Variants in PXDN observed in about 807,000 individuals in gnomAD.
The protein encoded by PXDN is peroxidasin.
Under a neutral mutation model 140.3 loss-of-function variants are expected in PXDN, and 77 were observed. The observed-to-expected ratio is 0.55, with a 90% confidence interval of 0.46 to 0.66. The LOEUF is 0.66. Ranked by LOEUF, PXDN falls within the 30% of genes least tolerant of loss-of-function variation. The probability of loss-of-function intolerance (pLI) is 0.00; values close to 1 mark genes in which losing one functional copy is unlikely to be tolerated. For synonymous variants in PXDN, 911 were observed against 857.4 expected (o/e 1.06, Z -1.09); for missense variants, 1,838 against 2,039.5 (o/e 0.90, Z 1.90).
chr2:1,653,569 G>C, intron 16 of PXDN, 59 bp downstream of exon 16: 1 of 1,583,304 alleles, frequency 6.3e-7, no homozygotes, highest in Non-Finnish European at 8.6e-7. Flanking sequence ...ACTTAACTGA[G>C]GCGTGTTCAA....
intron 8 of PXDN, 36 bp downstream of exon 8, chr2:1,676,891 G>T: frequency 6.4e-7 from 1 of 1,567,094 alleles, no homozygotes; most frequent in Non-Finnish European, 8.7e-7. Flanking sequence ...AACTCCGAGA[G>T]ATGCACAGGG....
intron 1 of PXDN, among the ~76,000 whole-genome samples, chr2:1,719,970 CAG>C (rs1258639274): frequency 3.4e-5 from 1 of 29,570 alleles, no homozygotes; most frequent in Non-Finnish European, 6.3e-5. Context: ...GGGAGATGCA[CAG>C]AGAGAGGGAG....
rs1285433649 is a variant in PXDN, at chr2:1,648,333, C to T, written c.3447G>A (p.Thr1149=). ...TGATGGCCGCCAGGTCCAGAGCCAC[C>T]GTGTGTGCCATGGAGAACAGCCGCT... ...LTERLFSMAH[T]VALDLAAINI... Residue 1149 remains threonine (T), a synonymous_variant, in exon 17 of 23, where the codon ACG becomes ACA. Transcript: ENST00000252804. The surrounding 1 kb of genome is among the most constrained non-coding windows in gnomAD (Gnocchi z 8.9). 29 of 1,613,704 alleles carry T rather than the reference C, an allele frequency of 1.8e-5. No homozygotes were observed. The highest frequency in any genetic ancestry group is 2.2e-5 in the East Asian group (1 of 44,882).
intron 1 of PXDN, among the ~76,000 whole-genome samples, chr2:1,728,184 C>A (rs146094723): frequency 6.6e-6 from 1 of 152,306 alleles, no homozygotes; most frequent in East Asian, 1.9e-4. Context: ...GAGATCCATC[C>A]GCCTCAGCCT....
intron 6 of PXDN, among the ~76,000 whole-genome samples, chr2:1,681,544 G>A (rs1057044455): frequency 6.6e-6 from 1 of 151,708 alleles, no homozygotes; most frequent in African/African-American, 2.4e-5. Flanking sequence ...GGCATCTCTA[G>A]GGGCCGACGC....
upstream of PXDN, chr2:1,744,602 CT>C (rs1685649841): frequency 1.5e-6 from 1 of 669,094 alleles, no homozygotes. Flanking sequence ...CTCCCGGCCC[CT>C]CTGAATCCCC....
chr2:1,703,442 G>GGACAACTCCCGGTGAAGGAGA (rs1684496126), intron 1 of PXDN, among the ~76,000 whole-genome samples: 1 of 51,960 alleles, frequency 1.9e-5, no homozygotes, highest in African/African-American at 8.7e-5. Flanking sequence ...GTGAAGCGGG[G>GGACAACTCCCGGTGAAGGAGA]GACAACTCCC....
intron 1 of PXDN, among the ~76,000 whole-genome samples, chr2:1,709,409 C>T (rs1449378131): frequency 6.6e-6 from 1 of 152,132 alleles, no homozygotes; most frequent in African/African-American, 2.4e-5. Flanking sequence ...CACGGCCCCA[C>T]AGAAGACAGG....
At chr2:1,692,809 G>A (rs1684214347) in intron 2 of PXDN, among the ~76,000 whole-genome samples, 1 of 152,180 alleles carries the variant, frequency 6.6e-6, no homozygotes, top group South Asian at 2.1e-4. Context: ...TGAAGGCCAG[G>A]GACAAGCTTA....
intron 13 of PXDN, among the ~76,000 whole-genome samples, 177 bp downstream of exon 13, chr2:1,661,895 A>T (rs1186794076): frequency 1.3e-5 from 2 of 152,206 alleles, no homozygotes; most frequent in East Asian, 1.9e-4. Flanking sequence ...TGCTACAGAA[A>T]GTCTATAGAG....
intron 17 of PXDN, among the ~76,000 whole-genome samples, chr2:1,645,503 T>C (rs1682830052): frequency 6.6e-6 from 1 of 152,214 alleles, no homozygotes; most frequent in Non-Finnish European, 1.5e-5. Context: ...CTCAAATCAG[T>C]GACCACCAAC....
rs1044971427 is a variant in PXDN, at chr2:1,639,112, G to A, written c.4074-134C>T. On this transcript the variant is annotated intron_variant, in intron 20 of 22. Coordinates refer to ENST00000252804, the MANE Select transcript of PXDN (RefSeq NM_012293.3). The surrounding 1 kb of genome is among the most constrained non-coding windows in gnomAD (Gnocchi z 5.0). The stretch of plus-strand genomic sequence containing the variant: ...TCTCATTTCAAGGTTTCCTGGGTGT[G>A]CACCGCCCCTGATGCTCTGAGTGGG... The A allele has an allele frequency of 1.2e-6, 1 of 860,426 alleles. No individual in the cohort carries two copies. The highest frequency in any genetic ancestry group is 1.4e-6 in the Non-Finnish European group (1 of 709,278). 53.3% of individuals were successfully genotyped at this position (860,426 alleles called of 1,614,324 possible). A position where few individuals can be genotyped will look rare whatever the true frequency, so the allele number is the denominator to read the frequency against.
At position 1,633,151 on chromosome 2, in the gene PXDN, T is replaced by C. The variant is rs1029865463; in HGVS notation, c.*1053A>G. On this transcript the variant is annotated 3_prime_UTR_variant, in exon 23 of 23. Coordinates refer to ENST00000252804, the MANE Select transcript of PXDN (RefSeq NM_012293.3). ...ACATCACGCATTTTAAAAATACAAA[T>C]GAGGTATAGGGATTCTTTTTTTTTT... 21 of 147,230 alleles carry C rather than the reference T, an allele frequency of 1.4e-4. No individual in the cohort carries two copies. Among genetic ancestry groups the C allele is most frequent in the African/African-American group, 5.3e-4 (21 of 39,992 alleles). The allele number at this position is 147,230 out of a possible 1,614,324, so 9.1% of individuals were successfully genotyped here.
rs773022517 is a variant in PXDN at position 1,638,967 on chromosome 2, T to A, written c.4085A>T (p.Gln1362Leu). Residue 1362 changes from glutamine to leucine, a missense_variant, in exon 21 of 23, where the codon CAG becomes CTG. Physicochemically the swap from Gln to Leu is moderately radical, Grantham distance 113 (BLOSUM62 -2). This residue lies in a region of PXDN where 850 missense variants were observed against 894.1 expected (regional missense o/e 0.95). Coordinates refer to ENST00000252804, the MANE Select transcript of PXDN (RefSeq NM_012293.3). ...GGTGCTGTTGCTGAGATGTTCCCCC[T>A]GTCTCCCAACACTGTGGTGAGGGGA... The part of the protein sequence containing the change: ...RPRKIPSVGR[Q>L]GEHLSNSTSA... 6.2e-7 allele frequency: 1 copy of A among 1,613,976 alleles called. No homozygotes were observed. The highest frequency in any genetic ancestry group is 1.3e-5 in the African/African-American group (1 of 75,046).
rs967509011 is a variant in PXDN at position 1,709,174 on chromosome 2, C to A, written c.201-16040G>T. Among the ~76,000 whole-genome samples, 6 of 152,234 alleles carry A rather than the reference C, an allele frequency of 3.9e-5. No homozygotes were observed. The East Asian group carries it at 1.2e-3, about 29-fold the overall frequency. ...TCACTCATTGGTACTAGCGACACAT[C>A]TGCAGTTCATGGGCAATGCTGACCA... On this transcript the variant is annotated intron_variant, in intron 1 of 22. Transcript: ENST00000252804.
chr2:1,687,871 C>T lies in PXDN; in HGVS notation c.345-168G>A, dbSNP rs1684097553. Among the ~76,000 whole-genome samples, 1 of 152,116 alleles carries T rather than the reference C, an allele frequency of 6.6e-6. No homozygotes were observed. Among genetic ancestry groups the T allele is most frequent in the Non-Finnish European group, 1.5e-5 (1 of 68,028 alleles). On this transcript the variant is annotated intron_variant, in intron 3 of 22. Transcript: ENST00000252804. This position sits in a 1 kb window ranked among gnomAD's most constrained non-coding sequence, Gnocchi z 4.0. Reference sequence around the variant, plus strand: ...GTACAGTGCCTCTCCCAAGGGCTTCCCTTCCCTCAGATCTCAAGGGGGCTA... The same window carrying T: ...GTACAGTGCCTCTCCCAAGGGCTTCTCTTCCCTCAGATCTCAAGGGGGCTA...
chr2:1,658,039 T>G lies in PXDN; in HGVS notation c.1837+2842A>C, dbSNP rs192570782. On this transcript the variant is annotated intron_variant, in intron 14 of 22. Coordinates refer to ENST00000252804, the MANE Select transcript of PXDN (RefSeq NM_012293.3). ...ATTTCAGCTGTGGGCTCTCTCTCTCTCTCTCTCTCTCTCTCTCTCTCTCTC... is the reference window on the plus strand; with the variant it reads ...ATTTCAGCTGTGGGCTCTCTCTCTCGCTCTCTCTCTCTCTCTCTCTCTCTC... Among the ~76,000 whole-genome samples the G allele has an allele frequency of 7.7e-3, 356 of 46,496 alleles. 6 individuals carry two copies. The highest frequency in any genetic ancestry group is 0.037 in the African/African-American group (337 of 9,090). The allele number at this position is 46,496 out of a possible 152,430, so 30.5% of individuals were successfully genotyped here. A position where few individuals can be genotyped will look rare whatever the true frequency, so the allele number is the denominator to read the frequency against.
intron 15 of PXDN, 114 bp downstream of exon 15, chr2:1,654,286 C>T: frequency 2.9e-6 from 2 of 684,106 alleles, no homozygotes; most frequent in Non-Finnish European, 4.8e-6. Flanking sequence ...TTTTGATCAT[C>T]AGATAATCAA....
At chr2:1,696,027 T>C (rs1486590251) in intron 1 of PXDN, among the ~76,000 whole-genome samples, 1 of 152,118 alleles carries the variant, frequency 6.6e-6, no homozygotes, top group African/African-American at 2.4e-5. Flanking sequence ...GTGCCCTGTG[T>C]CTGAACACCT....
Sources: gnomAD v4.1 joint callset for allele counts (sites outside exome capture counted in the v4.1 genomes callset) on GRCh38, gnomAD v4.1.1 for gene constraint, gnomAD v4.1.1 regional missense constraint, Gnocchi (gnomAD v3.1) non-coding constraint, MANE v1.5 for transcripts, NCBI Gene and HGNC (gene_info 2026-07-23, HGNC 2026-07-21) for gene names.